Variants in DPP10 observed in about 807,000 individuals in gnomAD.
The protein encoded by DPP10 is inactive dipeptidyl peptidase 10.
A neutral mutation model predicts 120.9 loss-of-function variants in DPP10; 33 were observed. That is an observed-to-expected ratio of 0.27 (90% CI 0.21 to 0.37). The LOEUF (loss-of-function observed/expected upper bound fraction) is 0.37. Among genes scored for constraint, DPP10 ranks in the 10% least tolerant of loss-of-function variants. DPP10 has a pLI of 1.00. For missense variants in DPP10, 816 were observed against 942.8 expected (o/e 0.87, Z 1.76); for synonymous variants, 337 against 326.1 (o/e 1.03, Z -0.36).
intron 1 of DPP10, among the ~76,000 whole-genome samples, chr2:114,635,444 G>A (rs922168624): frequency 6.6e-6 from 1 of 151,880 alleles, no homozygotes; most frequent in African/African-American, 2.4e-5. Flanking sequence ...CTATCTTGAT[G>A]GAAATAATTG....
chr2:115,437,820 C>T (rs1460169184), intron 3 of DPP10, among the ~76,000 whole-genome samples: 1 of 151,770 alleles, frequency 6.6e-6, no homozygotes, highest in African/African-American at 2.4e-5. Flanking sequence ...GAGCTGTCAC[C>T]AAAAATGAGC....
intron 1 of DPP10, among the ~76,000 whole-genome samples, chr2:114,458,691 A>C (rs1394856816): frequency 3.3e-5 from 5 of 152,190 alleles, no homozygotes; most frequent in African/African-American, 1.2e-4. Context: ...AATGTTCTCT[A>C]TGTTACAGTT....
chr2:114,743,198 C>A (rs1678237132), intron 1 of DPP10, among the ~76,000 whole-genome samples: 1 of 152,146 alleles, frequency 6.6e-6, no homozygotes, highest in Middle Eastern at 3.4e-3. Context: ...GGATTTTGAT[C>A]TTTAGGGATT....
chr2:114,486,411 A>AT (rs1234097590), intron 1 of DPP10, among the ~76,000 whole-genome samples: 6 of 152,268 alleles, frequency 3.9e-5, no homozygotes, highest in Admixed American at 3.9e-4. Context: ...CATCCAAATA[A>AT]TTTTTTAATA....
chr2:115,303,900 G>T (rs1384359535), intron 1 of DPP10, among the ~76,000 whole-genome samples: 1 of 151,914 alleles, frequency 6.6e-6, no homozygotes, highest in Non-Finnish European at 1.5e-5. Context: ...TCTTAGGTGT[G>T]TTGTAAGAGC....
intron 21 of DPP10, among the ~76,000 whole-genome samples, chr2:115,834,699 A>G (rs1016072822): frequency 6.6e-6 from 1 of 152,206 alleles, no homozygotes; most frequent in East Asian, 1.9e-4. Flanking sequence ...TTGCTTTCCA[A>G]AACTTAGTTG....
chr2:114,509,100 A>C (rs1425656433), intron 1 of DPP10, among the ~76,000 whole-genome samples: 1 of 152,176 alleles, frequency 6.6e-6, no homozygotes, highest in Non-Finnish European at 1.5e-5. Flanking sequence ...AGATTTCAAG[A>C]CAGAGAAGTG....
In DPP10 at chr2:115,585,860, C is replaced by T. The variant is rs2149146133; in HGVS notation, c.441+59888C>T. ...ACATAGTTCTACACTGGTTTTTTTG[C>T]TTATTTTCTATTTAACGTATATCCT... is the stretch of plus-strand genomic sequence containing the variant. On this transcript the variant is annotated intron_variant, in intron 5 of 25. Transcript: ENST00000410059. Among the ~76,000 whole-genome samples the T allele has an allele frequency of 1.3e-5, 2 of 152,208 alleles. 1 individual carries two copies. The highest frequency in any genetic ancestry group is 4.1e-4 in the South Asian group (2 of 4,824).
chr2:115,032,628 C>T (rs1703914902), intron 1 of DPP10, among the ~76,000 whole-genome samples: 1 of 151,942 alleles, frequency 6.6e-6, no homozygotes, highest in South Asian at 2.1e-4. Flanking sequence ...CTCCTGTAAT[C>T]CCAGCACTTT....
intron 1 of DPP10, among the ~76,000 whole-genome samples, chr2:114,895,836 ATTTTC>A (rs1692916852): frequency 6.6e-6 from 1 of 152,050 alleles, no homozygotes; most frequent in Admixed American, 6.6e-5. Flanking sequence ...CAATCTCTGA[ATTTTC>A]TTTTCTTTGC....
chr2:114,683,840 C>G (rs1191698413), intron 1 of DPP10, among the ~76,000 whole-genome samples: 1 of 151,878 alleles, frequency 6.6e-6, no homozygotes, highest in Non-Finnish European at 1.5e-5. Context: ...TCCCATCTTT[C>G]AAGATTTAAC....
intron 21 of DPP10, among the ~76,000 whole-genome samples, chr2:115,825,986 T>A (rs1411697837): frequency 6.6e-6 from 1 of 152,218 alleles, no homozygotes; most frequent in African/African-American, 2.4e-5. Flanking sequence ...AAAGTTACTT[T>A]GTGAAGCAGG....
At chr2:115,793,370 A>T (rs1212988546) in intron 19 of DPP10, among the ~76,000 whole-genome samples, 1 of 152,156 alleles carries the variant, frequency 6.6e-6, no homozygotes, top group Non-Finnish European at 1.5e-5. Context: ...TTGGTAGAGC[A>T]TAAGCACTTG....
At chr2:114,580,218 C>A (rs1284948061) in intron 1 of DPP10, among the ~76,000 whole-genome samples, 2 of 152,154 alleles carry the variant, frequency 1.3e-5, no homozygotes, top group African/African-American at 4.8e-5. Flanking sequence ...ACCCACACTT[C>A]CCCAGGCATT....
chr2:115,558,944 T>G (rs2080390198), intron 5 of DPP10, among the ~76,000 whole-genome samples: 1 of 152,170 alleles, frequency 6.6e-6, no homozygotes, highest in East Asian at 1.9e-4. Context: ...GGTACTTTCT[T>G]ATGCAAATGA....
At chr2:114,702,294 G>A (rs999492687) in intron 1 of DPP10, among the ~76,000 whole-genome samples, 1 of 152,042 alleles carries the variant, frequency 6.6e-6, no homozygotes, top group African/African-American at 2.4e-5. Context: ...AAGTTTTGAA[G>A]TGAGGAAATT....
chr2:115,323,551 T>A (rs577464886), intron 2 of DPP10, among the ~76,000 whole-genome samples: 5 of 152,320 alleles, frequency 3.3e-5, no homozygotes, highest in African/African-American at 1.2e-4. Context: ...TTCCAGAAGA[T>A]TTTTAATTCA....
At position 115,151,414 on chromosome 2, in the gene DPP10, CT is replaced by C. The variant is rs35551255; in HGVS notation, c.61-157810del. ...TAAATTTCAGGATTACTTTCTTATA[CT>C]TTTTTTTTTTTTTTGAGACAGAGTC... On this transcript the variant is annotated intron_variant, in intron 1 of 25. Coordinates refer to ENST00000410059, the MANE Select transcript of DPP10 (RefSeq NM_020868.6). Among the ~76,000 whole-genome samples the C allele has an allele frequency of 7.1e-3, 1,003 of 141,074 alleles. 11 individuals carry two copies. Among genetic ancestry groups the C allele is most frequent in the African/African-American group, 0.022 (858 of 38,342 alleles). 92.6% of individuals were successfully genotyped at this position (141,074 alleles called of 152,430 possible).
At chr2:115,237,251 A>G (rs530693637) in intron 1 of DPP10, among the ~76,000 whole-genome samples, 4 of 147,758 alleles carry the variant, frequency 2.7e-5, no homozygotes, top group Non-Finnish European at 4.5e-5. Context: ...ATTCATTATT[A>G]TTGTATCTGT....
Sources: gnomAD v4.1 joint callset for allele counts (sites outside exome capture counted in the v4.1 genomes callset) on GRCh38, gnomAD v4.1.1 for gene constraint, MANE v1.5 for transcripts, NCBI Gene and HGNC (gene_info 2026-07-23, HGNC 2026-07-21) for gene names.